Variants in E2F3 observed in about 807,000 individuals in gnomAD.
E2F3 encodes E2F transcription factor 3, also known as transcription factor E2F3.
Under a neutral mutation model 44.4 loss-of-function variants are expected in E2F3, and 11 were observed. The ratio of observed to expected loss-of-function variants is 0.25; its 90% CI spans 0.16 to 0.41. The LOEUF is 0.41. Ranked by LOEUF, E2F3 falls within the 10% of genes least tolerant of loss-of-function variation. The pLI is 1.00. For synonymous variants in E2F3, 249 were observed against 253.0 expected, an observed-to-expected ratio of 0.98 and a Z score of 0.15; for missense variants, 487 against 583.6, an observed-to-expected ratio of 0.83 and a Z score of 1.70.
intron 1 of E2F3, among the ~76,000 whole-genome samples, chr6:20,475,734 C>G (rs1051284507): frequency 6.6e-6 from 1 of 152,180 alleles, no homozygotes; most frequent in Non-Finnish European, 1.5e-5. Context: ...CTCAGGTGAT[C>G]TGCCTACCTC....
intron 1 of E2F3, among the ~76,000 whole-genome samples, chr6:20,461,352 G>T (rs1224082414): frequency 4.6e-5 from 7 of 152,124 alleles, no homozygotes. Context: ...AACTTAGCCA[G>T]TTGTGGTGGT....
chr6:20,404,339 G>A (rs1247720630), intron 1 of E2F3, among the ~76,000 whole-genome samples: 1 of 152,170 alleles, frequency 6.6e-6, no homozygotes, highest in African/African-American at 2.4e-5. Context: ...GTGGCCCGGA[G>A]GTCTCCCCTT....
chr6:20,409,500 C>T (rs1451228418), intron 1 of E2F3, among the ~76,000 whole-genome samples: 1 of 152,156 alleles, frequency 6.6e-6, no homozygotes, highest in East Asian at 1.9e-4. Context: ...GAGAAGGACA[C>T]ACAGTGCCCC....
intron 4 of E2F3, among the ~76,000 whole-genome samples, chr6:20,486,462 C>T (rs1391578640): frequency 2.0e-5 from 3 of 152,112 alleles, no homozygotes; most frequent in Non-Finnish European, 2.9e-5. Context: ...TTAGTAGAGA[C>T]GGGGTTTCAC....
intron 1 of E2F3, among the ~76,000 whole-genome samples, chr6:20,422,488 C>A (rs1034691714): frequency 6.6e-6 from 1 of 152,250 alleles, no homozygotes; most frequent in East Asian, 1.9e-4. Flanking sequence ...TTCACATTCA[C>A]AACCTGGCTA....
At chr6:20,420,691 C>A (rs950717549) in intron 1 of E2F3, among the ~76,000 whole-genome samples, 8 of 152,200 alleles carry the variant, frequency 5.3e-5, no homozygotes, top group Admixed American at 6.5e-5. Flanking sequence ...CCAACAATCC[C>A]CTGAGCCTTC....
chr6:20,411,320 G>C (rs898721521), intron 1 of E2F3, among the ~76,000 whole-genome samples: 1 of 152,042 alleles, frequency 6.6e-6, no homozygotes, highest in Admixed American at 6.5e-5. Flanking sequence ...CTGCCAGTGT[G>C]TGTATATCAA....
chr6:20,455,049 G>A (rs6456352), intron 1 of E2F3, among the ~76,000 whole-genome samples: 137,288 of 152,208 alleles, frequency 0.9, 62,006 homozygotes, highest in East Asian at 0.94. Flanking sequence ...AAGGATGTGC[G>A]CACTTGTTTT....
At chr6:20,485,904 CACTT>C (rs1049917979) in intron 4 of E2F3, among the ~76,000 whole-genome samples, 48 of 152,154 alleles carry the variant, frequency 3.2e-4, no homozygotes, top group African/African-American at 1.1e-3. Context: ...TGGCTGCTGA[CACTT>C]GCTTGTAGAT....
chr6:20,459,843 G>A (rs896275557), intron 1 of E2F3, among the ~76,000 whole-genome samples: 2 of 152,104 alleles, frequency 1.3e-5, no homozygotes, highest in Non-Finnish European at 2.9e-5. Context: ...TTGGGGGGTC[G>A]AGGTGAGAAG....
intron 1 of E2F3, among the ~76,000 whole-genome samples, chr6:20,403,362 G>A (rs1759375671): frequency 6.6e-6 from 1 of 151,898 alleles, no homozygotes; most frequent in Admixed American, 6.5e-5. Flanking sequence ...AAGCGCCCAG[G>A]CCTTCCTCGC....
chr6:20,404,605 G>T (rs1759430415), intron 1 of E2F3, among the ~76,000 whole-genome samples: 1 of 152,216 alleles, frequency 6.6e-6, no homozygotes, highest in Admixed American at 6.5e-5. Flanking sequence ...TGGGAATAAT[G>T]AGGCGTTTTT....
intron 4 of E2F3, among the ~76,000 whole-genome samples, chr6:20,486,012 CAG>C (rs1317868148): frequency 1.3e-5 from 2 of 152,116 alleles, no homozygotes; most frequent in Non-Finnish European, 2.9e-5. Flanking sequence ...GTTTGAGTGA[CAG>C]AACACTTTAT....
intron 1 of E2F3, among the ~76,000 whole-genome samples, chr6:20,428,326 C>T (rs796771101): frequency 2.7e-4 from 41 of 152,216 alleles, no homozygotes; most frequent in Middle Eastern, 3.4e-3. Context: ...CGGATTCAAG[C>T]GATTTTCCTG....
At chr6:20,416,051 A>G (rs1759834463) in intron 1 of E2F3, among the ~76,000 whole-genome samples, 1 of 152,186 alleles carries the variant, frequency 6.6e-6, no homozygotes, top group Non-Finnish European at 1.5e-5. Context: ...AATGAGGAAA[A>G]TCATGGTTCT....
intron 1 of E2F3, chr6:20,440,267 T>A (rs959157416): frequency 6.6e-6 from 1 of 152,174 alleles, no homozygotes; most frequent in Non-Finnish European, 1.5e-5. Flanking sequence ...TCCAAAGAAA[T>A]CATAACTATA....
chr6:20,466,164 G>T (rs966938737), intron 1 of E2F3, among the ~76,000 whole-genome samples: 1 of 152,088 alleles, frequency 6.6e-6, no homozygotes, highest in Non-Finnish European at 1.5e-5. Flanking sequence ...CCAGGCTGGA[G>T]TGCAGTGTCG....
chr6:20,422,650 A>C (rs866538829), intron 1 of E2F3, among the ~76,000 whole-genome samples: 3 of 152,216 alleles, frequency 2.0e-5, no homozygotes, highest in South Asian at 4.1e-4. Flanking sequence ...TTGTGGGATT[A>C]CTAATTAGCC....
chr6:20,459,758 TGTG>T (rs960138567), intron 1 of E2F3, among the ~76,000 whole-genome samples: 4 of 151,908 alleles, frequency 2.6e-5, no homozygotes, highest in African/African-American at 9.7e-5. Flanking sequence ...GCCTGGGCAA[TGTG>T]GTGAAACCCT....
Sources: gnomAD v4.1 joint callset for allele counts (sites outside exome capture counted in the v4.1 genomes callset) on GRCh38, gnomAD v4.1.1 for gene constraint, MANE v1.5 for transcripts, NCBI Gene and HGNC (gene_info 2026-07-23, HGNC 2026-07-21) for gene names.